The following FOXN3 variants were observed in gnomAD, a reference collection of about 807,000 sequenced individuals.
The protein encoded by FOXN3 is forkhead box N3, also known as forkhead box protein N3.
FOXN3 carries 7 observed loss-of-function variants against 38.4 expected under a neutral mutation model. The observed-to-expected ratio is 0.18, with a 90% CI of 0.10 to 0.34. FOXN3 has a LOEUF of 0.34. Among genes scored for constraint, FOXN3 ranks in the 10% least tolerant of loss-of-function variants. The probability of loss-of-function intolerance (pLI) is 1.00; values close to 1 mark genes in which losing one functional copy is unlikely to be tolerated. For synonymous variants in FOXN3, 230 were observed against 242.2 expected (o/e 0.95, Z 0.47); for missense variants, 456 against 613.4 (o/e 0.74, Z 2.71).
chr14:89,333,966 GTATATATATATATATA>G (rs71130055), intron 3 of FOXN3, among the ~76,000 whole-genome samples: 5,922 of 131,488 alleles, frequency 0.045, 264 homozygotes, highest in African/African-American at 0.088. Flanking sequence ...AATGTGGTGT[GTATATATATATATATA>G]TATATATATA....
At chr14:89,303,134 C>T (rs1166797412) in intron 3 of FOXN3, among the ~76,000 whole-genome samples, 1 of 152,160 alleles carries the variant, frequency 6.6e-6, no homozygotes, top group African/African-American at 2.4e-5. Flanking sequence ...CACCCCTTGT[C>T]TTTTAGTTTT....
chr14:89,393,099 C>T (rs12879525), intron 2 of FOXN3, among the ~76,000 whole-genome samples: 56,720 of 151,808 alleles, frequency 0.37, 13,049 homozygotes, highest in Admixed American at 0.53. Context: ...GCCACCGTGC[C>T]CGGCTTAATT....
In FOXN3 at chr14:89,375,198, G is replaced by A. The variant is rs190485467; in HGVS notation, c.544-24390C>T. 8.1e-4 allele frequency among the ~76,000 whole-genome samples: 124 copies of A among 152,168 alleles called. 1 individual carries two copies. Among genetic ancestry groups the A allele is most frequent in the African/African-American group, 2.8e-3 (117 of 41,498 alleles). The stretch of plus-strand genomic sequence containing the variant: ...ACAGTAATGGTGGTTACAGAGGTAT[G>A]TACATATTAGTCAAAATACTTTCAA... On this transcript the variant is annotated intron_variant, in intron 2 of 5. Transcript: ENST00000557258.
At chr14:89,193,458 C>G (rs1047951880) in intron 4 of FOXN3, among the ~76,000 whole-genome samples, 1 of 152,074 alleles carries the variant, frequency 6.6e-6, no homozygotes, top group African/African-American at 2.4e-5. Context: ...TGTGGGAGAA[C>G]CTAAGTGGGA....
intron 4 of FOXN3, among the ~76,000 whole-genome samples, chr14:89,210,328 T>G (rs1235455437): frequency 6.6e-6 from 1 of 152,078 alleles, no homozygotes; most frequent in Non-Finnish European, 1.5e-5. Flanking sequence ...ATGCCAGCTC[T>G]CCCTTTACCT....
intron 1 of FOXN3, among the ~76,000 whole-genome samples, chr14:89,480,195 GATCGAGAC>G (rs1436494498): frequency 1.3e-5 from 2 of 152,152 alleles, no homozygotes; most frequent in Non-Finnish European, 2.9e-5. Flanking sequence ...GAGGTCAGCA[GATCGAGAC>G]CATCCTGGCT....
At position 89,303,614 on chromosome 14, in the gene FOXN3, G is replaced by A. The variant is rs377527598; in HGVS notation, c.681-22600C>T. On this transcript the variant is annotated intron_variant, in intron 3 of 5. Coordinates refer to ENST00000557258, the MANE Select transcript of FOXN3 (RefSeq NM_005197.4). ...AAGGAAAAGTCACTTAATGAGGGTC[G>A]CATGGCTAGTAAGTGACTCATGCTC... Among the ~76,000 whole-genome samples, 7 of 151,982 alleles carry A rather than the reference G, an allele frequency of 4.6e-5. No individual in the cohort carries two copies. The South Asian group carries it at 8.3e-4, about 18-fold the overall frequency.
intron 1 of FOXN3, among the ~76,000 whole-genome samples, chr14:89,425,055 T>C (rs1273555823): frequency 1.1e-5 from 1 of 91,540 alleles, no homozygotes; most frequent in Non-Finnish European, 2.3e-5. Context: ...TTGTTTTGTT[T>C]TCTTTTCTTT....
In FOXN3 at chr14:89,360,744, AC is replaced by A. The variant is rs1201470119; in HGVS notation, c.544-9937del. 5.0e-4 allele frequency among the ~76,000 whole-genome samples: 59 copies of A among 118,630 alleles called. 1 individual carries two copies. The highest frequency in any genetic ancestry group is 2.4e-3 in the Admixed American group (30 of 12,602). The allele number at this position is 118,630 out of a possible 152,430, so 77.8% of individuals were successfully genotyped here. ...CTCCACCACCACCACCTCCAGCACC[AC>A]CTCCACCACCACCTCCACCACTACC... On this transcript the variant is annotated intron_variant, in intron 2 of 5. Transcript: ENST00000557258.
intron 4 of FOXN3, among the ~76,000 whole-genome samples, chr14:89,184,409 G>A (rs1282103646): frequency 6.6e-6 from 1 of 152,200 alleles, no homozygotes; most frequent in Non-Finnish European, 1.5e-5. Context: ...GGGAGAGTGT[G>A]GCATGACAGA....
chr14:89,406,622 T>A (rs1596256500), intron 2 of FOXN3, among the ~76,000 whole-genome samples: 1 of 152,184 alleles, frequency 6.6e-6, no homozygotes. Context: ...AGATACTGCA[T>A]ATGGAAAGCA....
Position 89,241,766 on chromosome 14 carries a change from C to A in FOXN3, c.745+39184G>T, listed in dbSNP as rs146384723. On this transcript the variant is annotated intron_variant, in intron 4 of 5. Coordinates refer to ENST00000557258, the MANE Select transcript of FOXN3 (RefSeq NM_005197.4). Reference sequence around the variant, plus strand: ...TACAGCACGTGGAACCCTGGAGAAGCATGAGAAGTTGCCACTGGAGGCTAG... The same window carrying A: ...TACAGCACGTGGAACCCTGGAGAAGAATGAGAAGTTGCCACTGGAGGCTAG... Among the ~76,000 whole-genome samples the A allele has an allele frequency of 6.2e-4, 94 of 152,306 alleles. 2 individuals are homozygous for A. The East Asian group carries it at 0.017, about 28-fold the overall frequency.
chr14:89,566,541 C>T (rs978779976), intron 1 of FOXN3, among the ~76,000 whole-genome samples: 2 of 152,230 alleles, frequency 1.3e-5, no homozygotes, highest in Admixed American at 1.3e-4. Context: ...GGACATGGGA[C>T]ATATCACGGA....
chr14:89,360,384 G>A (rs1264870875), intron 2 of FOXN3, among the ~76,000 whole-genome samples: 3 of 150,072 alleles, frequency 2.0e-5, no homozygotes, highest in African/African-American at 7.4e-5. Context: ...AAGGGAAAGG[G>A]AGGGAGGGAG....
intron 3 of FOXN3, among the ~76,000 whole-genome samples, chr14:89,343,417 T>G (rs1888669130): frequency 6.6e-6 from 1 of 152,026 alleles, no homozygotes; most frequent in African/African-American, 2.4e-5. Flanking sequence ...ACTTTGTTAA[T>G]TTGAATATAC....
At chr14:89,390,317 A>G (rs919764572) in intron 2 of FOXN3, among the ~76,000 whole-genome samples, 6 of 147,088 alleles carry the variant, frequency 4.1e-5, no homozygotes. Context: ...CTCTCTCTAT[A>G]TATATATAAA....
At chr14:89,587,408 C>T (rs969539843) in intron 1 of FOXN3, among the ~76,000 whole-genome samples, 1 of 152,148 alleles carries the variant, frequency 6.6e-6, no homozygotes, top group African/African-American at 2.4e-5. Context: ...CAAATGCCCA[C>T]AGGAGCCAGG....
At chr14:89,195,782 G>A (rs1427460081) in intron 4 of FOXN3, among the ~76,000 whole-genome samples, 3 of 152,172 alleles carry the variant, frequency 2.0e-5, no homozygotes, top group African/African-American at 7.2e-5. Context: ...AGGGGGGTAC[G>A]AGAGAACAAG....
chr14:89,261,820 C>T (rs570746181), intron 4 of FOXN3, among the ~76,000 whole-genome samples: 1 of 152,052 alleles, frequency 6.6e-6, no homozygotes, highest in East Asian at 1.9e-4. Flanking sequence ...CCCAGCTAGT[C>T]GGGAGGCTGA....
Sources: allele counts gnomAD v4.1 joint callset (sites outside exome capture counted in the v4.1 genomes callset), GRCh38; gene constraint gnomAD v4.1.1; transcripts MANE v1.5; gene names NCBI Gene and HGNC (gene_info 2026-07-23, HGNC 2026-07-21).